Variants in NADK2 observed in about 807,000 individuals in gnomAD.
The protein encoded by NADK2 is NAD kinase domain-containing protein 1, mitochondrial.
A neutral mutation model predicts 62.1 loss-of-function variants in NADK2; 35 were observed. The ratio of observed to expected loss-of-function variants is 0.56; its 90% CI spans 0.43 to 0.75. The LOEUF is 0.75. Among genes scored for constraint, NADK2 ranks in the 30% least tolerant of loss-of-function variants. The probability of loss-of-function intolerance (pLI) is 0.00; values close to 1 mark genes in which losing one functional copy is unlikely to be tolerated. For synonymous variants in NADK2, 205 were observed against 207.9 expected (o/e 0.99, Z 0.12); for missense variants, 439 against 561.3 (o/e 0.78, Z 2.20).
intron 8 of NADK2, 32 bp from the exon 9 acceptor site, chr5:36,201,193 T>G: frequency 6.4e-7 from 1 of 1,573,180 alleles, no homozygotes; most frequent in Non-Finnish European, 8.7e-7. Context: ...TTCTTAGTTT[T>G]AATTCTAAAA....
intron 1 of NADK2, among the ~76,000 whole-genome samples, chr5:36,228,657 T>C (rs1040367669): frequency 1.3e-5 from 2 of 151,832 alleles, no homozygotes; most frequent in African/African-American, 4.8e-5. Context: ...CTGGCTCTGT[T>C]GCCCAGGCCG....
At chr5:36,239,455 A>G (rs147249264) in intron 1 of NADK2, among the ~76,000 whole-genome samples, 3 of 152,322 alleles carry the variant, frequency 2.0e-5, no homozygotes, top group East Asian at 1.9e-4. Flanking sequence ...CTGCCTGGCA[A>G]TTACAAAACT....
In NADK2 at chr5:36,193,837, C is replaced by G. The variant is rs1479949162; in HGVS notation, c.*1307G>C. 1.3e-5 allele frequency: 2 copies of G among 152,624 alleles called. No homozygotes were observed. The highest frequency in any genetic ancestry group is 2.9e-5 in the Non-Finnish European group (2 of 68,036). 9.5% of individuals were successfully genotyped at this position (152,624 alleles called of 1,614,324 possible). A position where few individuals can be genotyped will look rare whatever the true frequency, so the allele number is the denominator to read the frequency against. On this transcript the variant is annotated 3_prime_UTR_variant, in exon 12 of 12. Transcript: ENST00000381937. ...TTCACAGAATTTACTTCTGAGCCCACAAGACTCAAATTGTATAAGGATAGA... is the reference window on the plus strand; with the variant it reads ...TTCACAGAATTTACTTCTGAGCCCAGAAGACTCAAATTGTATAAGGATAGA...
intron 4 of NADK2, among the ~76,000 whole-genome samples, chr5:36,220,445 GA>G (rs1361030346): frequency 3.3e-5 from 5 of 152,142 alleles, no homozygotes; most frequent in African/African-American, 1.2e-4. Context: ...CAATCTTGAA[GA>G]AAAGGCTGAG....
intron 6 of NADK2, chr5:36,212,443 T>TA (rs1338746660): frequency 2.0e-5 from 3 of 152,296 alleles, no homozygotes. Context: ...TCATAACTCC[T>TA]AAAAAAATGT....
At chr5:36,230,274 T>G (rs549665025) in intron 1 of NADK2, among the ~76,000 whole-genome samples, 1 of 152,362 alleles carries the variant, frequency 6.6e-6, no homozygotes, top group East Asian at 1.9e-4. Context: ...AAGCTCTTCC[T>G]TTGTACTTGC....
rs1200742386 is a variant in NADK2 at position 36,193,214 on chromosome 5, C to T, written c.*1930G>A. The T allele has an allele frequency of 6.6e-6, 1 of 152,126 alleles. No homozygotes were observed. Among genetic ancestry groups the T allele is most frequent in the East Asian group, 1.9e-4 (1 of 5,190 alleles). 9.4% of individuals were successfully genotyped at this position (152,126 alleles called of 1,614,324 possible). On this transcript the variant is annotated 3_prime_UTR_variant, in exon 12 of 12. Transcript: ENST00000381937. ...CATTTTAAGGCCGGGCATGGTGGCT[C>T]ATGCCTGTAATCCCAATACTGGGAG...
At position 36,204,851 on chromosome 5, in the gene NADK2, G is replaced by C. The variant is rs1027605042; in HGVS notation, c.956+2319C>G. ...TAGGGGTACAGAGGTAACAAGATTGGGCATGTGTTGATAATTACTGAAACT... is the reference window on the plus strand; with the variant it reads ...TAGGGGTACAGAGGTAACAAGATTGCGCATGTGTTGATAATTACTGAAACT... On this transcript the variant is annotated intron_variant, in intron 8 of 11. Coordinates refer to ENST00000381937, the MANE Select transcript of NADK2 (RefSeq NM_001085411.3). Among the ~76,000 whole-genome samples, 5 of 151,794 alleles carry C rather than the reference G, an allele frequency of 3.3e-5. No homozygotes were observed. The East Asian group carries it at 7.7e-4, about 23-fold the overall frequency.
chr5:36,204,311 G>A (rs1746555880), intron 8 of NADK2, among the ~76,000 whole-genome samples: 1 of 152,090 alleles, frequency 6.6e-6, no homozygotes. Flanking sequence ...GCAGGCAAGG[G>A]AATTTGTACA....
intron 4 of NADK2, among the ~76,000 whole-genome samples, chr5:36,224,542 G>A (rs1747404459): frequency 6.9e-6 from 1 of 145,228 alleles, no homozygotes; most frequent in South Asian, 2.1e-4. Context: ...GGGCAACAGA[G>A]CAAGACTCTG....
chr5:36,241,785 C>T lies in NADK2; in HGVS notation c.14G>A (p.Arg5Gln), dbSNP rs1054909525. 1.5e-6 allele frequency: 2 copies of T among 1,341,320 alleles called. No individual in the cohort carries two copies. Among genetic ancestry groups the T allele is most frequent in the African/African-American group, 3.1e-5 (2 of 65,122 alleles). The allele number at this position is 1,341,320 out of a possible 1,614,324, so 83.1% of individuals were successfully genotyped here. A position where few individuals can be genotyped will look rare whatever the true frequency, so the allele number is the denominator to read the frequency against. The change falls in exon 1 of 12, where the codon CGA (arginine) becomes CAA (glutamine). Residue 5 changes from arginine (R) to glutamine (Q), a missense_variant. Arg to Gln is a conservative substitution (Grantham distance 43). Transcript: ENST00000381937. The surrounding 1 kb of genome is among the most constrained non-coding windows in gnomAD (Gnocchi z 4.9). MTCY[R>Q]GFLLGSCCRV... The stretch of plus-strand genomic sequence containing the variant: ...ACAACAGCTGCCCAGCAAGAAGCCT[C>T]GGTAGCAAGTCATCGTGGGCCGGGC...
At chr5:36,211,103 G>A (rs933208624) in intron 7 of NADK2, among the ~76,000 whole-genome samples, 3 of 152,154 alleles carry the variant, frequency 2.0e-5, no homozygotes, top group African/African-American at 7.2e-5. Flanking sequence ...CTGAGGTCAG[G>A]AGTTTGAGAC....
Position 36,196,246 on chromosome 5 carries a change from T to C in NADK2, c.1191-964A>G, listed in dbSNP as rs562007545. 5.9e-5 allele frequency among the ~76,000 whole-genome samples: 9 copies of C among 152,340 alleles called. No homozygotes were observed. In the East Asian group the frequency reaches 1.5e-3, roughly 26 times the overall value. ...TTGCCAAACAATTTTCCAAGCTATA[T>C]ATTCCTAACAGAAATTTAGGAATAT... On this transcript the variant is annotated intron_variant, in intron 11 of 11. Coordinates refer to ENST00000381937, the MANE Select transcript of NADK2 (RefSeq NM_001085411.3).
In NADK2 at chr5:36,208,702, C is replaced by A. The variant is rs1364189091; in HGVS notation, c.861-1437G>T. 7.9e-6 allele frequency: 12 copies of A among 1,513,394 alleles called. No homozygotes were observed. The Admixed American group carries it at 2.5e-4, about 31-fold the overall frequency. The allele number at this position is 1,513,394 out of a possible 1,614,324, so 93.7% of individuals were successfully genotyped here. A position where few individuals can be genotyped will look rare whatever the true frequency, so the allele number is the denominator to read the frequency against. ...AAGAATAAGACATTCTAGGTTAGAA[C>A]AAATAGGAGAAAAGAAAACAAAATT... On this transcript the variant is annotated intron_variant, in intron 7 of 11. Transcript: ENST00000381937.
chr5:36,214,137 T>C (rs1308924867), intron 6 of NADK2, among the ~76,000 whole-genome samples: 2 of 152,200 alleles, frequency 1.3e-5, no homozygotes, highest in Non-Finnish European at 2.9e-5. Context: ...ACTGTGTTCA[T>C]TTAAAACTTG....
At chr5:36,231,667 A>G (rs1289454684) in intron 1 of NADK2, among the ~76,000 whole-genome samples, 1 of 152,214 alleles carries the variant, frequency 6.6e-6, no homozygotes, top group Non-Finnish European at 1.5e-5. Context: ...TCCAATAATT[A>G]TATTTGTTTA....
In NADK2 at chr5:36,219,490, C is replaced by A. The variant is rs925627126; in HGVS notation, c.644+106G>T. On this transcript the variant is annotated intron_variant, in intron 5 of 11. Transcript: ENST00000381937. ...CCTCCCAAAGTACTGGGATTACAGG[C>A]GTGAGATACCGTGCCCTGCCTGATT... The A allele has an allele frequency of 1.5e-5, 14 of 941,456 alleles. No individual in the cohort carries two copies. The South Asian group carries it at 2.0e-4, about 14-fold the overall frequency. The allele number at this position is 941,456 out of a possible 1,614,324, so 58.3% of individuals were successfully genotyped here.
rs1020177197 is a variant in NADK2 at position 36,193,298 on chromosome 5, A to AT, written c.*1845dup. On this transcript the variant is annotated 3_prime_UTR_variant, in exon 12 of 12. Transcript: ENST00000381937. ...GAGACCAGCCTGACCAACATGGTGA[A>AT]TCCCCATATCTACTAAAAATACAAA... 3 of 152,036 alleles carry AT rather than the reference A, an allele frequency of 2.0e-5. No homozygotes were observed. Among genetic ancestry groups the AT allele is most frequent in the Admixed American group, 6.6e-5 (1 of 15,258 alleles). 9.4% of individuals were successfully genotyped at this position (152,036 alleles called of 1,614,324 possible).
chr5:36,216,981 C>A (rs538273916), intron 6 of NADK2, among the ~76,000 whole-genome samples: 2 of 152,076 alleles, frequency 1.3e-5, no homozygotes, highest in South Asian at 4.1e-4. Context: ...ATCTTAGAAA[C>A]ATGCTAACCT....
Sources: gnomAD v4.1 joint callset for allele counts (sites outside exome capture counted in the v4.1 genomes callset) on GRCh38, gnomAD v4.1.1 for gene constraint, Gnocchi (gnomAD v3.1) non-coding constraint, MANE v1.5 for transcripts, NCBI Gene and HGNC (gene_info 2026-07-23, HGNC 2026-07-21) for gene names.